Variants in OR51B5 observed in about 807,000 individuals in gnomAD.
The protein encoded by OR51B5 is olfactory receptor 51B5.
For missense variants in OR51B5, 456 were observed against 374.6 expected, an observed-to-expected ratio of 1.22 and a Z score of -1.79; for synonymous variants, 186 against 144.8, an observed-to-expected ratio of 1.28 and a Z score of -2.04.
At chr11:5,374,804 A>G (rs372754169) in intron 1 of OR51B5, among the ~76,000 whole-genome samples, 32 of 152,214 alleles carry the variant, frequency 2.1e-4, no homozygotes, top group Admixed American at 1.2e-3. Flanking sequence ...AAAGAAATGA[A>G]CAAAGCCTCC....
intron 1 of OR51B5, chr11:5,352,569 G>A (rs1451597278): frequency 3.1e-6 from 2 of 647,366 alleles, no homozygotes; most frequent in Non-Finnish European, 5.4e-6. Flanking sequence ...GCATTTCAGT[G>A]GAAATCAGTC....
chr11:5,469,447 C>T (rs115059858), intron 1 of OR51B5: 2 of 152,098 alleles, frequency 1.3e-5, no homozygotes, highest in African/African-American at 2.4e-5. Flanking sequence ...GACTTTTAGG[C>T]AAACGCAACC....
At chr11:5,474,061 A>C (rs1480239879) in intron 1 of OR51B5, among the ~76,000 whole-genome samples, 2 of 152,168 alleles carry the variant, frequency 1.3e-5, no homozygotes, top group African/African-American at 4.8e-5. Context: ...TTGAGATTTG[A>C]CTGATTTAAC....
In OR51B5 at chr11:5,441,335, G is replaced by A. The variant is rs150344344; in HGVS notation, n.84+64234C>T. On this transcript the variant is annotated intron_variant and non_coding_transcript_variant, in intron 1 of 4. Transcript: ENST00000415970. ...CGAGCATAGAGAGGAAGTAGTACATGGGCTGATGCAGAGCAGGCTCCCAAA... is the reference window on the plus strand; with the variant it reads ...CGAGCATAGAGAGGAAGTAGTACATAGGCTGATGCAGAGCAGGCTCCCAAA... 9.3e-6 allele frequency: 15 copies of A among 1,613,858 alleles called. No homozygotes were observed. The African/African-American group carries it at 1.2e-4, about 13-fold the overall frequency.
chr11:5,484,444 G>A (rs1014395979), intron 1 of OR51B5, among the ~76,000 whole-genome samples: 2 of 152,160 alleles, frequency 1.3e-5, no homozygotes, highest in East Asian at 1.9e-4. Flanking sequence ...AGGCCAGAAA[G>A]AAAGGAGAAA....
intron 1 of OR51B5, chr11:5,453,284 G>A (rs1850885229): frequency 2.4e-6 from 1 of 417,702 alleles, no homozygotes; most frequent in African/African-American, 2.0e-5. Flanking sequence ...CAGCCTGCAG[G>A]CTGATCATCA....
At chr11:5,382,466 G>A (rs1487491308) in intron 1 of OR51B5, among the ~76,000 whole-genome samples, 1 of 152,092 alleles carries the variant, frequency 6.6e-6, no homozygotes, top group African/African-American at 2.4e-5. Flanking sequence ...TATCTTATGT[G>A]TGATAGATGC....
rs1005811729 is a variant in OR51B5 at position 5,437,598 on chromosome 11, A to G, written n.84+67971T>C. ...TGGCCTTGCCACCTGATTTTAGAAG[A>G]TTAACATTCCTTTAGTTTTGAACCT... On this transcript the variant is annotated intron_variant and non_coding_transcript_variant, in intron 1 of 4. Transcript: ENST00000415970. Among the ~76,000 whole-genome samples the G allele has an allele frequency of 7.2e-5, 11 of 152,362 alleles. No individual in the cohort carries two copies. The East Asian group carries it at 9.6e-4, about 13-fold the overall frequency.
chr11:5,343,511 C>T, exon 1 of OR51B5: 1 of 1,012,852 alleles, frequency 9.9e-7, no homozygotes. Flanking sequence ...ATGGGAGCTG[C>T]CGCTGGACGA....
chr11:5,465,752 C>G (rs910222827), intron 1 of OR51B5, among the ~76,000 whole-genome samples: 4 of 144,038 alleles, frequency 2.8e-5, no homozygotes, highest in African/African-American at 1.0e-4. Context: ...ACTGGCTAGC[C>G]ATATGTAGAA....
rs567348419 is a variant in OR51B5, at chr11:5,382,437, G to T, written n.85-35527C>A. Among the ~76,000 whole-genome samples the T allele has an allele frequency of 7.2e-5, 11 of 152,172 alleles. No homozygotes were observed. In the South Asian group the frequency reaches 1.5e-3, roughly 20 times the overall value. ...TTGCCATGTCCATCTCTTACATTGCGCTAAGATAGTTGTTTTCCTATCTTA... is the reference window on the plus strand; with the variant it reads ...TTGCCATGTCCATCTCTTACATTGCTCTAAGATAGTTGTTTTCCTATCTTA... On this transcript the variant is annotated intron_variant and non_coding_transcript_variant, in intron 1 of 4. Transcript: ENST00000415970.
intron 1 of OR51B5, among the ~76,000 whole-genome samples, chr11:5,418,864 A>T (rs2062016120): frequency 8.1e-6 from 1 of 124,212 alleles, no homozygotes; most frequent in East Asian, 2.5e-4. Context: ...GTACCCCAGA[A>T]CTTGAAGTAT....
At chr11:5,485,952 C>T (rs547614934) in intron 1 of OR51B5, among the ~76,000 whole-genome samples, 30 of 152,080 alleles carry the variant, frequency 2.0e-4, no homozygotes, top group Admixed American at 7.2e-4. Context: ...CTAGGATGTG[C>T]CCTAATCCGA....
rs377618902 is a variant in OR51B5 at position 5,397,183 on chromosome 11, CA to C, written n.85-50274del. Among the ~76,000 whole-genome samples the C allele has an allele frequency of 2.0e-3, 303 of 152,264 alleles. 5 individuals carry two copies. The South Asian group carries it at 0.035, about 18-fold the overall frequency. On this transcript the variant is annotated intron_variant and non_coding_transcript_variant, in intron 1 of 4. Transcript: ENST00000415970. The stretch of plus-strand genomic sequence containing the variant: ...TCTAAAACACCAAAAGCAATGGCAA[CA>C]AAAGCCAAAATTCACTAATGGGATC...
intron 1 of OR51B5, among the ~76,000 whole-genome samples, chr11:5,444,609 C>A (rs1267922871): frequency 6.6e-6 from 1 of 152,102 alleles, no homozygotes; most frequent in South Asian, 2.1e-4. Flanking sequence ...GGAGCACTCA[C>A]TGGATGGAAG....
chr11:5,496,981 T>C (rs1011363398), intron 1 of OR51B5, among the ~76,000 whole-genome samples: 11 of 152,014 alleles, frequency 7.2e-5, no homozygotes, highest in Non-Finnish European at 1.5e-4. Context: ...CCATTGCTCA[T>C]TGGTCTCCAA....
chr11:5,449,759 C>A (rs909157338), intron 1 of OR51B5, among the ~76,000 whole-genome samples: 3 of 152,178 alleles, frequency 2.0e-5, no homozygotes, highest in Admixed American at 1.3e-4. Flanking sequence ...TATCCCATGA[C>A]AAACAGCTGA....
At chr11:5,475,279 C>G (rs1365120595) in intron 1 of OR51B5, among the ~76,000 whole-genome samples, 1 of 152,142 alleles carries the variant, frequency 6.6e-6, no homozygotes, top group African/African-American at 2.4e-5. Flanking sequence ...GCCTGTAAAA[C>G]ACTGTGTAAT....
chr11:5,393,291 A>G (rs1849823945), intron 1 of OR51B5: 1 of 152,212 alleles, frequency 6.6e-6, no homozygotes, highest in Non-Finnish European at 1.5e-5. Flanking sequence ...TGTCTAGAAT[A>G]AAAATATTAC....
Sources: gnomAD v4.1 joint callset for allele counts (sites outside exome capture counted in the v4.1 genomes callset) on GRCh38, gnomAD v4.1.1 for gene constraint, MANE v1.5 for transcripts, NCBI Gene and HGNC (gene_info 2026-07-23, HGNC 2026-07-21) for gene names.